USP9X: variants seen among roughly 807,000 people sequenced by gnomAD.
USP9X encodes the protein ubiquitin carboxyl-terminal hydrolase 9X.
In USP9X, 7 loss-of-function variants were observed where a neutral mutation model predicts 190.3. The observed-to-expected ratio is 0.04, with a 90% confidence interval of 0.02 to 0.07. The LOEUF is 0.07. USP9X is among the 10% of genes least tolerant of loss of function. The pLI is 1.00. For missense variants in USP9X, 1,010 were observed against 1,916.9 expected (o/e 0.53, Z 8.83); for synonymous variants, 645 against 659.5 (o/e 0.98, Z 0.34).
intron 2 of USP9X, among the ~76,000 whole-genome samples, chrX:41,127,697 T>C (rs1258499347): frequency 8.9e-6 from 1 of 112,364 alleles, no homozygotes; most frequent in Non-Finnish European, 1.9e-5. Flanking sequence ...TAGTTACTAA[T>C]TGACCATATG....
At position 41,134,786 on chromosome X, in the gene USP9X, C is replaced by T; in HGVS notation, c.384C>T (p.Phe128=). 1 of 1,210,658 alleles carries T rather than the reference C, an allele frequency of 8.3e-7. No individual in the cohort carries two copies. The highest frequency in any genetic ancestry group is 1.1e-6 in the Non-Finnish European group (1 of 894,912). Residue 128 remains phenylalanine, a synonymous_variant, in exon 5 of 45, where the codon TTC becomes TTT. Transcript: ENST00000378308. ...RFFRDGLTIS[F]TKILTDEAVS... The stretch of plus-strand genomic sequence containing the variant: ...TCCGTGATGGGCTAACAATATCATT[C>T]ACTAAAATTCTTACAGATGAAGCAG...
chrX:41,223,102 A>G (rs1184869676), intron 38 of USP9X, 115 bp from the exon 39 acceptor site: 13 of 714,687 alleles, frequency 1.8e-5, no homozygotes, highest in Middle Eastern at 9.8e-4. Flanking sequence ...TAAAAATTAT[A>G]GACAAGATAT....
At chrX:41,212,162 C>T (rs1177346641) in intron 33 of USP9X, among the ~76,000 whole-genome samples, 1 of 109,558 alleles carries the variant, frequency 9.1e-6, no homozygotes, top group African/African-American at 3.3e-5. Context: ...GTGACCTTAC[C>T]CCCAACCCTG....
chrX:41,205,094 T>C (rs1364641561), intron 31 of USP9X: 1 of 339,442 alleles, frequency 2.9e-6, no homozygotes, highest in African/African-American at 2.7e-5. Context: ...TATCTATCTT[T>C]CTTACACATG....
At chrX:41,208,944 G>A (rs1191727556) in intron 32 of USP9X, among the ~76,000 whole-genome samples, 4 of 110,804 alleles carry the variant, frequency 3.6e-5, no homozygotes, top group South Asian at 7.6e-4. Flanking sequence ...TCCTGACCTC[G>A]TGATCCACCC....
At chrX:41,100,517 A>G (rs771520946) in intron 1 of USP9X, among the ~76,000 whole-genome samples, 14 of 111,851 alleles carry the variant, frequency 1.3e-4, no homozygotes, top group African/African-American at 4.2e-4. Flanking sequence ...GTCCTTTTTA[A>G]TTAGCATTTT....
intron 26 of USP9X, among the ~76,000 whole-genome samples, chrX:41,192,492 CCT>C (rs1432652571): frequency 8.9e-6 from 1 of 111,984 alleles, no homozygotes; most frequent in Non-Finnish European, 1.9e-5. Context: ...ACTTATGTTA[CCT>C]CTCTGATCCG....
Position 41,217,201 on chromosome X carries a change from A to G in USP9X, c.6086-19A>G, listed in dbSNP as rs1271774380. ...TTGGAAAATAAAAATGTGTTTTTAT[A>G]TCTGCATTTTATTTATAGGGCAAGA... On this transcript the variant is annotated intron_variant, in intron 35 of 44. Transcript: ENST00000378308. The G allele has an allele frequency of 8.5e-7, 1 of 1,180,772 alleles. No homozygotes were observed. The highest frequency in any genetic ancestry group is 2.5e-5 in the Admixed American group (1 of 40,060).
intron 1 of USP9X, among the ~76,000 whole-genome samples, chrX:41,091,212 A>T (rs866086890): frequency 2.7e-5 from 3 of 109,737 alleles, no homozygotes; most frequent in African/African-American, 1.0e-4. Flanking sequence ...TTTTTTTGTC[A>T]CTAAATAGAA....
At chrX:41,230,251 A>G (rs1284065946) in intron 43 of USP9X, among the ~76,000 whole-genome samples, 7 of 111,250 alleles carry the variant, frequency 6.3e-5, no homozygotes, top group African/African-American at 2.0e-4. Flanking sequence ...TAAGCTAATG[A>G]AGGGAGCTTT....
chrX:41,121,034 G>C (rs1213208073), intron 1 of USP9X, among the ~76,000 whole-genome samples: 5 of 105,195 alleles, frequency 4.8e-5, no homozygotes, highest in African/African-American at 1.8e-4. Context: ...TTTTAGTAGA[G>C]ATGGGGTGTC....
Position 41,140,677 on chromosome X carries a change from A to G in USP9X, c.676A>G (p.Asn226Asp). The part of the protein sequence containing the change: ...SPKGWLVDLL[N>D]KFGTLNGFQI... ...ACAGGGTTGGCTAGTGGATCTTCTC[A>G]ACAAATTTGGCACTTTAAATGGGTT... Residue 226 changes from asparagine (N) to aspartate (D), a missense_variant, in exon 7 of 45, where the codon AAC (asparagine) becomes GAC (aspartate). Around this residue, in one of 11 missense-constraint regions of USP9X, gnomAD observed 176 missense variants for 247.5 expected, o/e 0.71. Coordinates refer to ENST00000378308, the MANE Select transcript of USP9X (RefSeq NM_001039591.3). 1 of 1,206,834 alleles carries G rather than the reference A, an allele frequency of 8.3e-7. No individual in the cohort carries two copies. The highest frequency in any genetic ancestry group is 1.1e-6 in the Non-Finnish European group (1 of 893,426).
At chrX:41,099,096 G>GTTTTGTTTTT (rs2062015028) in intron 1 of USP9X, among the ~76,000 whole-genome samples, 1 of 44,274 alleles carries the variant, frequency 2.3e-5, no homozygotes, top group Admixed American at 3.8e-4. Flanking sequence ...CCAGATAATT[G>GTTTTGTTTTT]TTTTTTTTTT....
chrX:41,101,925 A>G (rs1226885068), intron 1 of USP9X, among the ~76,000 whole-genome samples: 1 of 112,156 alleles, frequency 8.9e-6, no homozygotes, highest in Admixed American at 9.5e-5. Context: ...AACCAGTCAC[A>G]AAAGACCTCA....
intron 33 of USP9X, among the ~76,000 whole-genome samples, chrX:41,213,708 T>C (rs1293486616): frequency 1.8e-5 from 2 of 112,276 alleles, no homozygotes; most frequent in African/African-American, 6.5e-5. Context: ...TATCCTACTT[T>C]TGAAGTGTAG....
At chrX:41,157,087 T>C (rs2062585565) in intron 14 of USP9X, among the ~76,000 whole-genome samples, 1 of 111,711 alleles carries the variant, frequency 9.0e-6, no homozygotes, top group Non-Finnish European at 1.9e-5. Flanking sequence ...TTCATGTCAA[T>C]CCGTCAGCAA....
At chrX:41,120,791 C>T (rs1302732315) in intron 1 of USP9X, among the ~76,000 whole-genome samples, 1 of 109,915 alleles carries the variant, frequency 9.1e-6, no homozygotes, top group Non-Finnish European at 1.9e-5. Flanking sequence ...AGCTACCGCG[C>T]CCAGCCAACA....
chrX:41,089,903 G>GTTT (rs139093155), intron 1 of USP9X, among the ~76,000 whole-genome samples: 5 of 30,326 alleles, frequency 1.6e-4, no homozygotes, highest in Admixed American at 5.8e-4. Context: ...ATCTATGAGG[G>GTTT]TTTTTTTTTT....
intron 6 of USP9X, among the ~76,000 whole-genome samples, chrX:41,139,499 A>G (rs192426618): frequency 5.0e-4 from 56 of 111,869 alleles, no homozygotes; most frequent in Admixed American, 3.6e-3. Context: ...CATCTCTACT[A>G]AAAATACAAA....
Sources: allele counts gnomAD v4.1 joint callset (sites outside exome capture counted in the v4.1 genomes callset), GRCh38; gene constraint gnomAD v4.1.1; regional missense constraint gnomAD v4.1.1; transcripts MANE v1.5; gene names NCBI Gene and HGNC (gene_info 2026-07-23, HGNC 2026-07-21).